The following ANKS1B variants were observed in gnomAD, a reference collection of about 807,000 sequenced individuals.
The protein encoded by ANKS1B is ankyrin repeat and sterile alpha motif domain containing 1B.
Under a neutral mutation model 148.3 loss-of-function variants are expected in ANKS1B, and 36 were observed. That is an observed-to-expected ratio of 0.24 (90% CI 0.19 to 0.32). The LOEUF (loss-of-function observed/expected upper bound fraction) is 0.32, where lower values mean the gene tolerates loss of function less well. Among genes scored for constraint, ANKS1B ranks in the 10% least tolerant of loss-of-function variants. The probability of loss-of-function intolerance (pLI) is 1.00; values close to 1 mark genes in which losing one functional copy is unlikely to be tolerated. For synonymous variants in ANKS1B, 542 were observed against 560.8 expected (o/e 0.97, Z 0.47); for missense variants, 1,157 against 1,542.6 (o/e 0.75, Z 4.19).
chr12:99,070,836 T>A (rs941960346), intron 16 of ANKS1B, among the ~76,000 whole-genome samples: 5 of 152,126 alleles, frequency 3.3e-5, no homozygotes, highest in Admixed American at 6.5e-5. Flanking sequence ...GCTAATTTTT[T>A]AATTTTTTTG....
chr12:99,298,726 C>T (rs1009582519), intron 12 of ANKS1B, among the ~76,000 whole-genome samples: 5 of 152,126 alleles, frequency 3.3e-5, no homozygotes, highest in Admixed American at 1.3e-4. Flanking sequence ...AAGGTTTCAG[C>T]TTAATCCTGT....
rs376685252 is a variant in ANKS1B, at chr12:99,489,751, CT to C, written c.1438+14724del. ...TGCTTAGCTGATTCAATGCTCTCGACTTGTTTACGGCATAGCTTTTAGCATT... is the reference window on the plus strand; with the variant it reads ...TGCTTAGCTGATTCAATGCTCTCGACTGTTTACGGCATAGCTTTTAGCATT... On this transcript the variant is annotated intron_variant, in intron 10 of 26. Coordinates refer to ENST00000683438, the MANE Select transcript of ANKS1B (RefSeq NM_001352186.2). 2.2e-4 allele frequency among the ~76,000 whole-genome samples: 33 copies of C among 152,264 alleles called. No individual in the cohort carries two copies. The South Asian group carries it at 6.2e-3, about 29-fold the overall frequency.
Position 99,946,573 on chromosome 12 carries a change from A to G in ANKS1B, c.134+37531T>C, listed in dbSNP as rs147614256. Among the ~76,000 whole-genome samples, 312 of 152,236 alleles carry G rather than the reference A, an allele frequency of 2.0e-3. 1 individual carries two copies. The highest frequency in any genetic ancestry group is 0.02 in the Middle Eastern group (6 of 294). ...AAAGGCCCCATCCCCAAATACCATC[A>G]CATTGGGGGTCAGGGCTTCAATATA... On this transcript the variant is annotated intron_variant, in intron 1 of 26. Transcript: ENST00000683438.
At chr12:98,944,010 A>G (rs1028691461) in intron 17 of ANKS1B, among the ~76,000 whole-genome samples, 26 of 152,298 alleles carry the variant, frequency 1.7e-4, no homozygotes, top group Non-Finnish European at 3.1e-4. Context: ...GTTGTTTAAA[A>G]GAGCCTGGGC....
At chr12:99,268,834 G>A (rs938099754) in intron 12 of ANKS1B, among the ~76,000 whole-genome samples, 1 of 152,100 alleles carries the variant, frequency 6.6e-6, no homozygotes, top group African/African-American at 2.4e-5. Flanking sequence ...AAAGAAAGGA[G>A]GGTTTACATT....
chr12:99,414,960 C>T (rs757493792), intron 11 of ANKS1B, among the ~76,000 whole-genome samples: 2 of 152,122 alleles, frequency 1.3e-5, no homozygotes, highest in Admixed American at 6.5e-5. Flanking sequence ...TATGTTTCTT[C>T]GTATGAGTTA....
chr12:99,260,283 T>C (rs1431215705), intron 12 of ANKS1B, among the ~76,000 whole-genome samples: 1 of 152,192 alleles, frequency 6.6e-6, no homozygotes, highest in Non-Finnish European at 1.5e-5. Flanking sequence ...GAAACTATTT[T>C]TAATTACTCT....
chr12:98,979,577 C>T (rs1041881358), intron 17 of ANKS1B, among the ~76,000 whole-genome samples: 1 of 152,056 alleles, frequency 6.6e-6, no homozygotes, highest in African/African-American at 2.4e-5. Context: ...AGCTATCTTT[C>T]TCTGGTTTTC....
chr12:99,368,812 TA>T (rs2092929033), intron 12 of ANKS1B, among the ~76,000 whole-genome samples: 2 of 152,068 alleles, frequency 1.3e-5, no homozygotes, highest in African/African-American at 2.4e-5. Flanking sequence ...ATTTGACAAT[TA>T]AAAAAATAAT....
chr12:99,726,757 C>T (rs779328539), intron 8 of ANKS1B, among the ~76,000 whole-genome samples: 1 of 152,034 alleles, frequency 6.6e-6, no homozygotes, highest in South Asian at 2.1e-4. Flanking sequence ...ACTGGCAAAC[C>T]GAATCCAGCA....
chr12:99,371,533 C>T (rs533085780), intron 12 of ANKS1B, among the ~76,000 whole-genome samples: 23 of 151,958 alleles, frequency 1.5e-4, no homozygotes, highest in African/African-American at 4.8e-4. Context: ...GTCAACTTGT[C>T]TAGGTCACAG....
rs530431823 is a variant in ANKS1B at position 98,943,048 on chromosome 12, G to A, written c.2778+110109C>T. 3.9e-4 allele frequency among the ~76,000 whole-genome samples: 60 copies of A among 152,318 alleles called. 2 individuals carry two copies. In the South Asian group the frequency reaches 0.012, roughly 29 times the overall value. ...GAGATAGAAATAAGAATCTGCCTAC[G>A]TGTGAAAGGCAAATACAATTCCTGT... On this transcript the variant is annotated intron_variant, in intron 17 of 26. Coordinates refer to ENST00000683438, the MANE Select transcript of ANKS1B (RefSeq NM_001352186.2).
At chr12:99,319,882 G>A (rs1290594286) in intron 12 of ANKS1B, among the ~76,000 whole-genome samples, 1 of 152,124 alleles carries the variant, frequency 6.6e-6, no homozygotes, top group African/African-American at 2.4e-5. Context: ...TGTAAAGCAG[G>A]CCTAGTGGTG....
chr12:99,453,276 C>A (rs1226690522), intron 10 of ANKS1B, among the ~76,000 whole-genome samples: 1 of 151,220 alleles, frequency 6.6e-6, no homozygotes, highest in African/African-American at 2.4e-5. Flanking sequence ...GGTGACAGAG[C>A]GAGAGTCCGT....
chr12:99,307,869 G>C (rs1380765457), intron 12 of ANKS1B, among the ~76,000 whole-genome samples: 3 of 152,022 alleles, frequency 2.0e-5, no homozygotes, highest in East Asian at 3.9e-4. Flanking sequence ...ATTCTTGCTG[G>C]AGGTCACACA....
intron 17 of ANKS1B, among the ~76,000 whole-genome samples, chr12:98,928,206 T>TA (rs1457923430): frequency 1.3e-5 from 2 of 150,946 alleles, no homozygotes; most frequent in Non-Finnish European, 3.0e-5. Flanking sequence ...AACAAATACC[T>TA]AAAAAACCAC....
At chr12:98,850,135 C>T (rs554932810) in intron 17 of ANKS1B, among the ~76,000 whole-genome samples, 278 of 152,226 alleles carry the variant, frequency 1.8e-3, no homozygotes, top group African/African-American at 6.4e-3. Flanking sequence ...CTATTTAAAA[C>T]TCTTATCTTC....
intron 25 of ANKS1B, among the ~76,000 whole-genome samples, chr12:98,771,370 C>G (rs1386157718): frequency 6.6e-6 from 1 of 150,968 alleles, no homozygotes; most frequent in African/African-American, 2.4e-5. Context: ...CAAAGTCTCA[C>G]TATGTTGCAC....
chr12:99,922,330 C>A (rs1360930158), intron 1 of ANKS1B, among the ~76,000 whole-genome samples: 1 of 152,052 alleles, frequency 6.6e-6, no homozygotes, highest in Non-Finnish European at 1.5e-5. Context: ...TAAATTGTTA[C>A]TAGGTTTAAG....
Sources: gnomAD v4.1 joint callset for allele counts (sites outside exome capture counted in the v4.1 genomes callset) on GRCh38, gnomAD v4.1.1 for gene constraint, MANE v1.5 for transcripts, NCBI Gene and HGNC (gene_info 2026-07-23, HGNC 2026-07-21) for gene names.